Variants in STIM2 observed in about 807,000 individuals in gnomAD.
STIM2 encodes the protein stromal interaction molecule 2.
STIM2 carries 31 observed loss-of-function variants against 85.8 expected under a neutral mutation model. The observed-to-expected ratio is 0.36, with a 90% CI of 0.27 to 0.49. STIM2 has a LOEUF of 0.49. STIM2 is among the 20% of genes least tolerant of loss of function. The probability of loss-of-function intolerance (pLI) is 0.98; values close to 1 mark genes in which losing one functional copy is unlikely to be tolerated. For missense variants in STIM2, 841 were observed against 927.6 expected, an observed-to-expected ratio of 0.91 and a Z score of 1.21; for synonymous variants, 356 against 331.1, an observed-to-expected ratio of 1.08 and a Z score of -0.82.
intron 2 of STIM2, among the ~76,000 whole-genome samples, chr4:26,946,784 A>G (rs1577455271): frequency 6.6e-6 from 1 of 152,168 alleles, no homozygotes; most frequent in East Asian, 1.9e-4. Flanking sequence ...ACATCAGTTT[A>G]CCAGTTTGGT....
chr4:26,922,555 G>T (rs1724844531), intron 2 of STIM2, among the ~76,000 whole-genome samples: 1 of 152,224 alleles, frequency 6.6e-6, no homozygotes, highest in Non-Finnish European at 1.5e-5. Flanking sequence ...AATGCATAGG[G>T]CAAGGTATGG....
chr4:27,018,042 A>G, intron 11 of STIM2, 58 bp downstream of exon 11: 1 of 1,350,914 alleles, frequency 7.4e-7, no homozygotes, highest in East Asian at 2.3e-5. Flanking sequence ...GTAAGGTGTG[A>G]GGAGGGGGCG....
intron 3 of STIM2, among the ~76,000 whole-genome samples, chr4:26,964,271 T>G (rs188599335): frequency 4.3e-4 from 66 of 152,274 alleles, no homozygotes; most frequent in African/African-American, 1.4e-3. Flanking sequence ...GGAAGCTTGG[T>G]CTGTATCTGT....
At chr4:26,893,045 G>A (rs1327806001) in intron 1 of STIM2, among the ~76,000 whole-genome samples, 1 of 152,160 alleles carries the variant, frequency 6.6e-6, no homozygotes, top group Non-Finnish European at 1.5e-5. Context: ...AGTTGAATGG[G>A]GATGTGTTAG....
chr4:26,982,972 C>T (rs996794741), intron 3 of STIM2, among the ~76,000 whole-genome samples: 3 of 152,154 alleles, frequency 2.0e-5, no homozygotes, highest in East Asian at 3.8e-4. Flanking sequence ...CCTGACCCCA[C>T]GGGCTGCTAC....
Position 26,861,244 on chromosome 4 carries a change from C to T in STIM2, c.26C>T (p.Ala9Val). ...TTGCTGGTGCTCGGGCTGCTGGTAGCCGGAGCGGCGGACGGATGCGAGCTT... is the reference window on the plus strand; with the variant it reads ...TTGCTGGTGCTCGGGCTGCTGGTAGTCGGAGCGGCGGACGGATGCGAGCTT... The change falls in exon 1 of 12, where the codon GCC becomes GTC. Residue 9 changes from alanine to valine, a missense_variant. Physicochemically the swap from Ala to Val is moderately conservative, Grantham distance 64 (BLOSUM62 0). Coordinates refer to ENST00000467087, the MANE Select transcript of STIM2 (RefSeq NM_020860.4). The T allele has an allele frequency of 2.0e-6, 3 of 1,492,380 alleles. No homozygotes were observed. Among genetic ancestry groups the T allele is most frequent in the African/African-American group, 1.4e-5 (1 of 69,322 alleles). The allele number at this position is 1,492,380 out of a possible 1,614,324, so 92.4% of individuals were successfully genotyped here.
intron 3 of STIM2, among the ~76,000 whole-genome samples, chr4:26,994,740 T>A (rs1197722493): frequency 6.6e-6 from 1 of 152,132 alleles, no homozygotes; most frequent in East Asian, 1.9e-4. Context: ...GGCTTTTTTT[T>A]ACAGCCTTTT....
At chr4:26,980,620 G>T (rs1727347426) in intron 3 of STIM2, among the ~76,000 whole-genome samples, 1 of 152,204 alleles carries the variant, frequency 6.6e-6, no homozygotes, top group Admixed American at 6.5e-5. Flanking sequence ...GTTGAGGGAA[G>T]ATTGTTGTAA....
At chr4:26,972,616 T>C (rs1727004730) in intron 3 of STIM2, among the ~76,000 whole-genome samples, 3 of 152,220 alleles carry the variant, frequency 2.0e-5, no homozygotes, top group South Asian at 2.1e-4. Flanking sequence ...GATAAGCTTT[T>C]TGATGTGCTG....
chr4:27,003,255 T>C (rs985078922), intron 7 of STIM2, 151 bp downstream of exon 7: 5 of 682,188 alleles, frequency 7.3e-6, no homozygotes, highest in Admixed American at 8.3e-5. Context: ...TTAGCATTGA[T>C]CAAAGTTCAT....
At chr4:26,956,443 C>CTT (rs545865394) in intron 2 of STIM2, among the ~76,000 whole-genome samples, 3,742 of 135,398 alleles carry the variant, frequency 0.028, 167 homozygotes, top group African/African-American at 0.097. Flanking sequence ...ATTTCAATGC[C>CTT]TTTTTTTTTT....
At chr4:26,944,051 T>C (rs1725720916) in intron 2 of STIM2, among the ~76,000 whole-genome samples, 1 of 152,154 alleles carries the variant, frequency 6.6e-6, no homozygotes, top group South Asian at 2.1e-4. Context: ...ATCTAGATAA[T>C]GTGGTTAGGT....
At chr4:26,885,142 C>T (rs984088018) in intron 1 of STIM2, among the ~76,000 whole-genome samples, 1 of 151,308 alleles carries the variant, frequency 6.6e-6, no homozygotes, top group Non-Finnish European at 1.5e-5. Context: ...ATTTGTGTTC[C>T]ACTGTTCATG....
intron 1 of STIM2, among the ~76,000 whole-genome samples, chr4:26,878,165 T>C (rs1002031024): frequency 6.6e-6 from 1 of 152,196 alleles, no homozygotes; most frequent in South Asian, 2.1e-4. Context: ...TGGATTCTTT[T>C]TTATATGTGC....
intron 1 of STIM2, among the ~76,000 whole-genome samples, chr4:26,878,100 A>T (rs1050509997): frequency 1.1e-4 from 16 of 152,204 alleles, no homozygotes; most frequent in Admixed American, 9.2e-4. Flanking sequence ...ATGGCTGCAC[A>T]AAGGGACTAA....
At chr4:26,929,014 C>T (rs1373054801) in intron 2 of STIM2, among the ~76,000 whole-genome samples, 1 of 152,028 alleles carries the variant, frequency 6.6e-6, no homozygotes, top group Non-Finnish European at 1.5e-5. Flanking sequence ...AGCCACTAGC[C>T]ATATTTGGCT....
Position 26,919,642 on chromosome 4 carries a change from G to C in STIM2, c.282+8G>C, listed in dbSNP as rs1004870195. The C allele has an allele frequency of 4.3e-6, 7 of 1,612,788 alleles. No individual in the cohort carries two copies. In the Admixed American group the frequency reaches 6.7e-5, roughly 15 times the overall value. Reference sequence around the variant, plus strand: ...GTAGAGGAAAGTGATGAAGTAGGTGGAAAAATGTTTTCCTTGCTATTGTCT... The same window carrying C: ...GTAGAGGAAAGTGATGAAGTAGGTGCAAAAATGTTTTCCTTGCTATTGTCT... On this transcript the variant is annotated splice_region_variant and intron_variant, in intron 2 of 11. Transcript: ENST00000467087.
chr4:26,900,575 T>C (rs754773370), intron 1 of STIM2, among the ~76,000 whole-genome samples: 6 of 152,142 alleles, frequency 3.9e-5, no homozygotes, highest in Non-Finnish European at 5.9e-5. Context: ...GAAATTCAGT[T>C]GAAATTTTAC....
intron 1 of STIM2, among the ~76,000 whole-genome samples, chr4:26,886,858 TAGA>T (rs1723270017): frequency 2.0e-5 from 3 of 152,316 alleles, no homozygotes; most frequent in African/African-American, 7.2e-5. Context: ...AATGACACTC[TAGA>T]AGGTCTAGTC....
Sources: allele counts gnomAD v4.1 joint callset (sites outside exome capture counted in the v4.1 genomes callset), GRCh38; gene constraint gnomAD v4.1.1; transcripts MANE v1.5; gene names NCBI Gene and HGNC (gene_info 2026-07-23, HGNC 2026-07-21).